Variants in MACROD2 observed in about 807,000 individuals in gnomAD.
MACROD2 encodes mono-ADP ribosylhydrolase 2.
Under a neutral mutation model 70.4 loss-of-function variants are expected in MACROD2, and 36 were observed. The ratio of observed to expected loss-of-function variants is 0.51; its 90% CI spans 0.39 to 0.68. MACROD2 has a LOEUF of 0.68. Ranked by LOEUF, MACROD2 falls within the 30% of genes least tolerant of loss-of-function variation. The pLI is 0.00. For missense variants in MACROD2, 496 were observed against 538.4 expected (o/e 0.92, Z 0.78); for synonymous variants, 172 against 178.8 (o/e 0.96, Z 0.30).
At chr20:15,382,602 A>G (rs1423675687) in intron 6 of MACROD2, among the ~76,000 whole-genome samples, 1 of 152,214 alleles carries the variant, frequency 6.6e-6, no homozygotes, top group Non-Finnish European at 1.5e-5. Flanking sequence ...AGCTGTATAT[A>G]TAAATTGCTT....
chr20:15,119,494 C>T (rs1009147465), intron 5 of MACROD2, among the ~76,000 whole-genome samples: 1 of 152,082 alleles, frequency 6.6e-6, no homozygotes, highest in Non-Finnish European at 1.5e-5. Flanking sequence ...CAGCATCCCA[C>T]GGGACAAGAT....
At chr20:14,208,616 T>C (rs1157268118) in intron 3 of MACROD2, among the ~76,000 whole-genome samples, 2 of 152,224 alleles carry the variant, frequency 1.3e-5, no homozygotes, top group Non-Finnish European at 2.9e-5. Context: ...GAGTTTCCTA[T>C]AGCTGATTTG....
chr20:14,286,451 T>G (rs1390920588), intron 3 of MACROD2, among the ~76,000 whole-genome samples: 1 of 152,156 alleles, frequency 6.6e-6, no homozygotes, highest in East Asian at 1.9e-4. Context: ...GATTCTTGAG[T>G]TGCTTTAAGC....
At chr20:14,707,739 T>A (rs763058701) in intron 5 of MACROD2, among the ~76,000 whole-genome samples, 1 of 152,188 alleles carries the variant, frequency 6.6e-6, no homozygotes, top group African/African-American at 2.4e-5. Context: ...TCACAACTAT[T>A]TGTTCAAACA....
chr20:15,698,121 GTTTTGTT>G (rs1245532572), intron 8 of MACROD2, among the ~76,000 whole-genome samples: 87 of 152,032 alleles, frequency 5.7e-4, no homozygotes, highest in Non-Finnish European at 1.5e-5. Flanking sequence ...GTGTACTTTG[GTTTTGTT>G]TTTTGTTTTT....
chr20:15,790,138 G>A (rs940669043), intron 8 of MACROD2, among the ~76,000 whole-genome samples: 1 of 151,906 alleles, frequency 6.6e-6, no homozygotes, highest in African/African-American at 2.4e-5. Context: ...TGATGAAATA[G>A]GACAAACTTA....
intron 7 of MACROD2, among the ~76,000 whole-genome samples, chr20:15,490,725 C>T (rs777410761): frequency 3.9e-5 from 6 of 152,084 alleles, no homozygotes; most frequent in African/African-American, 7.2e-5. Flanking sequence ...ACGAAGGTCC[C>T]GAGCTCTGGG....
intron 4 of MACROD2, among the ~76,000 whole-genome samples, chr20:14,550,808 C>T (rs544557958): frequency 6.6e-6 from 1 of 151,804 alleles, no homozygotes; most frequent in Non-Finnish European, 1.5e-5. Context: ...TAGGTGGAAA[C>T]TGAAAGCAAG....
At chr20:15,294,636 G>A (rs1276828442) in intron 6 of MACROD2, among the ~76,000 whole-genome samples, 1 of 152,138 alleles carries the variant, frequency 6.6e-6, no homozygotes, top group Non-Finnish European at 1.5e-5. Flanking sequence ...CTGATAAATG[G>A]TATTCTCCTG....
In MACROD2 at chr20:15,060,471, G is replaced by A. The variant is rs554123758; in HGVS notation, c.419-169469G>A. On this transcript the variant is annotated intron_variant, in intron 5 of 17. Coordinates refer to ENST00000684519, the MANE Select transcript of MACROD2 (RefSeq NM_001351661.2). ...GCAGACCCACAGAGGCAACAGCCTCGGGGCATTTCCCTCTCTATGAACCTT... is the reference window on the plus strand; with the variant it reads ...GCAGACCCACAGAGGCAACAGCCTCAGGGCATTTCCCTCTCTATGAACCTT... Among the ~76,000 whole-genome samples, 24 of 152,206 alleles carry A rather than the reference G, an allele frequency of 1.6e-4. No individual in the cohort carries two copies. The East Asian group carries it at 2.5e-3, about 16-fold the overall frequency.
chr20:14,947,815 G>A (rs1348723743), intron 5 of MACROD2, among the ~76,000 whole-genome samples: 1 of 152,156 alleles, frequency 6.6e-6, no homozygotes, highest in Non-Finnish European at 1.5e-5. Context: ...GGATCAGAGT[G>A]AAGGATCAGA....
intron 6 of MACROD2, among the ~76,000 whole-genome samples, chr20:15,239,506 A>G (rs1309682862): frequency 6.6e-6 from 1 of 152,118 alleles, no homozygotes; most frequent in African/African-American, 2.4e-5. Flanking sequence ...GCTTTCCTGG[A>G]TGTCTTATCA....
At chr20:14,096,637 G>T (rs572004746) in intron 3 of MACROD2, among the ~76,000 whole-genome samples, 114 of 152,280 alleles carry the variant, frequency 7.5e-4, no homozygotes, top group African/African-American at 2.7e-3. Flanking sequence ...AAAAAGGATT[G>T]CAGGTGTGAG....
chr20:14,350,825 C>A (rs2083116456), intron 3 of MACROD2, among the ~76,000 whole-genome samples: 1 of 152,158 alleles, frequency 6.6e-6, no homozygotes, highest in Admixed American at 6.5e-5. Flanking sequence ...CTCAAGAAAT[C>A]TTTGCCCAGA....
intron 5 of MACROD2, among the ~76,000 whole-genome samples, chr20:14,799,803 G>A (rs944332223): frequency 6.6e-6 from 1 of 151,992 alleles, no homozygotes; most frequent in Non-Finnish European, 1.5e-5. Flanking sequence ...GGCCCTGTTT[G>A]TTGATATATT....
chr20:15,537,918 C>G (rs1408617234), intron 8 of MACROD2, among the ~76,000 whole-genome samples: 1 of 152,198 alleles, frequency 6.6e-6, no homozygotes, highest in Non-Finnish European at 1.5e-5. Context: ...TAATGCCTGT[C>G]TCCCAACATA....
At chr20:14,667,313 C>G (rs2070746358) in intron 4 of MACROD2, among the ~76,000 whole-genome samples, 1 of 152,074 alleles carries the variant, frequency 6.6e-6, no homozygotes, top group African/African-American at 2.4e-5. Flanking sequence ...CTCCCTAGAT[C>G]CAGTGTGTGG....
intron 10 of MACROD2, among the ~76,000 whole-genome samples, chr20:15,921,809 G>A (rs6110831): frequency 0.026 from 3,906 of 152,298 alleles, 81 homozygotes; most frequent in African/African-American, 0.051. Flanking sequence ...GTAGAGAAGC[G>A]GTGAAGTGAG....
intron 4 of MACROD2, among the ~76,000 whole-genome samples, chr20:14,598,415 G>T (rs576505085): frequency 1.3e-5 from 2 of 152,082 alleles, no homozygotes; most frequent in African/African-American, 4.8e-5. Flanking sequence ...TATTTCAGGA[G>T]AGTTGAATAA....
Sources: gnomAD v4.1 joint callset for allele counts (sites outside exome capture counted in the v4.1 genomes callset) on GRCh38, gnomAD v4.1.1 for gene constraint, MANE v1.5 for transcripts, NCBI Gene and HGNC (gene_info 2026-07-23, HGNC 2026-07-21) for gene names.